The following LOC102723971 variants were observed in gnomAD, a reference collection of about 807,000 sequenced individuals.
the LOC102723971 span, chr9:135,618,028 G>C: frequency 2.5e-6 from 1 of 398,540 alleles, no homozygotes; most frequent in Non-Finnish European, 4.4e-6. Context: ...AGAAAGCCCC[G>C]GTCTTCAACA....
At chr9:135,614,927 C>T in the LOC102723971 span, among the ~76,000 whole-genome samples, 1 of 152,096 alleles carries the variant, frequency 6.6e-6, no homozygotes, top group South Asian at 2.1e-4. Context: ...GGGTGCAGGG[C>T]TGAGGGAAGT....
the LOC102723971 span, chr9:135,618,912 T>C: frequency 5.0e-6 from 2 of 398,918 alleles, no homozygotes; most frequent in Non-Finnish European, 8.8e-6. Context: ...AATCACCACC[T>C]TTTTCTTTTC....
chr9:135,618,143 C>T, the LOC102723971 span: 1 of 396,878 alleles, frequency 2.5e-6, no homozygotes, highest in Non-Finnish European at 4.4e-6. Context: ...AGGGTGTAGC[C>T]CATCCGCACT....
At chr9:135,617,846 C>A in the LOC102723971 span, 1 of 396,978 alleles carries the variant, frequency 2.5e-6, no homozygotes, top group South Asian at 1.3e-4. Context: ...TGGCCGATGC[C>A]CAGGGCCTCT....
chr9:135,615,017 A>G, the LOC102723971 span, among the ~76,000 whole-genome samples: 1 of 152,180 alleles, frequency 6.6e-6, no homozygotes, highest in African/African-American at 2.4e-5. Context: ...AGAAGTAAGC[A>G]CAGCTTATCC....
the LOC102723971 span, among the ~76,000 whole-genome samples, chr9:135,614,743 G>C: frequency 6.6e-6 from 1 of 152,110 alleles, no homozygotes; most frequent in Non-Finnish European, 1.5e-5. Context: ...TGGGTGACAC[G>C]AAGAGGCCAA....
At chr9:135,614,753 A>G in the LOC102723971 span, among the ~76,000 whole-genome samples, 1 of 151,946 alleles carries the variant, frequency 6.6e-6, no homozygotes, top group African/African-American at 2.4e-5. Flanking sequence ...GAAGAGGCCA[A>G]CCCTGGATAC....
chr9:135,617,928 T>C, the LOC102723971 span: 3 of 398,502 alleles, frequency 7.5e-6, no homozygotes, highest in African/African-American at 6.2e-5. Context: ...AGCCCCTCAC[T>C]GTCAGCCCCT....
chr9:135,615,005 C>G, the LOC102723971 span, among the ~76,000 whole-genome samples: 1 of 152,174 alleles, frequency 6.6e-6, no homozygotes, highest in Non-Finnish European at 1.5e-5. Flanking sequence ...TGACTCTTCC[C>G]AAGAAGTAAG....
chr9:135,618,305 G>A, the LOC102723971 span, among the ~76,000 whole-genome samples: 2 of 152,174 alleles, frequency 1.3e-5, no homozygotes, highest in Non-Finnish European at 2.9e-5. Context: ...CAGCCAGGAG[G>A]AGGAGCTGGA....
chr9:135,619,579 G>C, the LOC102723971 span, among the ~76,000 whole-genome samples: 1 of 152,140 alleles, frequency 6.6e-6, no homozygotes, highest in Non-Finnish European at 1.5e-5. Flanking sequence ...AGTGAGCCCA[G>C]CTCCAGACCC....
At chr9:135,616,938 G>A in the LOC102723971 span, 13 of 398,606 alleles carry the variant, frequency 3.3e-5, no homozygotes, top group Non-Finnish European at 4.9e-5. Flanking sequence ...CGTATGCTTC[G>A]TCAGCACCGA....
the LOC102723971 span, among the ~76,000 whole-genome samples, chr9:135,616,410 C>T: frequency 3.0e-4 from 46 of 152,282 alleles, no homozygotes; most frequent in Non-Finnish European, 6.2e-4. Context: ...TGTGCCAGGA[C>T]GAGGCTGCCC....
the LOC102723971 span, among the ~76,000 whole-genome samples, chr9:135,619,847 C>T: frequency 7.8e-6 from 1 of 127,758 alleles, no homozygotes; most frequent in Non-Finnish European, 1.7e-5. Context: ...TCCAGTGAGG[C>T]CTTCTCCCCC....
At chr9:135,617,551 G>A in the LOC102723971 span, among the ~76,000 whole-genome samples, 10 of 152,154 alleles carry the variant, frequency 6.6e-5, no homozygotes, top group South Asian at 1.9e-3. Context: ...GGGGAGCGGG[G>A]CAGCAGCAGC....
the LOC102723971 span, among the ~76,000 whole-genome samples, chr9:135,614,529 T>G: frequency 6.6e-6 from 1 of 152,142 alleles, no homozygotes; most frequent in South Asian, 2.1e-4. Flanking sequence ...GAGCGGGCTC[T>G]GTCCTCCCGC....
At chr9:135,615,097 C>T in the LOC102723971 span, among the ~76,000 whole-genome samples, 2 of 152,208 alleles carry the variant, frequency 1.3e-5, no homozygotes, top group Non-Finnish European at 2.9e-5. Context: ...CAGTGCAGCC[C>T]CCTGGGAGGG....
the LOC102723971 span, chr9:135,615,223 C>A: frequency 3.3e-5 from 13 of 395,138 alleles, no homozygotes; most frequent in African/African-American, 2.6e-4. Flanking sequence ...CCGGCCCACG[C>A]CCCTGCAGGT....
chr9:135,615,941 G>A, the LOC102723971 span, among the ~76,000 whole-genome samples: 1 of 152,248 alleles, frequency 6.6e-6, no homozygotes, highest in Non-Finnish European at 1.5e-5. Flanking sequence ...AAGCTACGCT[G>A]AGCGCAGTGA....
Sources: gnomAD v4.1 joint callset for allele counts (sites outside exome capture counted in the v4.1 genomes callset) on GRCh38, gnomAD v4.1.1 for gene constraint, MANE v1.5 for transcripts.